CFAP70: variants seen among roughly 807,000 people sequenced by gnomAD.
CFAP70 encodes cilia and flagella associated protein 70, also known as cilia- and flagella-associated protein 70.
In CFAP70, 81 loss-of-function variants were observed where a neutral mutation model predicts 137.6. The observed-to-expected ratio is 0.59, with a 90% CI of 0.49 to 0.71. CFAP70 has a LOEUF of 0.71. Among genes scored for constraint, CFAP70 ranks in the 30% least tolerant of loss-of-function variants. The pLI, the probability that CFAP70 is intolerant of heterozygous loss-of-function variation, is 0.00. For missense variants in CFAP70, 976 were observed against 1,226.7 expected, an observed-to-expected ratio of 0.80 and a Z score of 3.05; for synonymous variants, 382 against 423.6, an observed-to-expected ratio of 0.90 and a Z score of 1.20.
At chr10:73,255,986 A>T (rs1260259929) in intron 26 of CFAP70, among the ~76,000 whole-genome samples, 1 of 152,110 alleles carries the variant, frequency 6.6e-6, no homozygotes, top group Non-Finnish European at 1.5e-5. Context: ...AAAATTTCCT[A>T]TTTTGCCCTT....
At chr10:73,295,373 AAGGGAGGAAGGGAGGAAGGG>A (rs528543001) in intron 15 of CFAP70, 163 of 135,034 alleles carry the variant, frequency 1.2e-3, no homozygotes, top group African/African-American at 4.3e-3. Context: ...GGAAGGGAGG[AAGGGAGGAAGGGAGGAAGGG>A]AGGGAGGGAG....
At chr10:73,281,334 C>T (rs2047241370) in intron 19 of CFAP70, among the ~76,000 whole-genome samples, 1 of 151,270 alleles carries the variant, frequency 6.6e-6, no homozygotes, top group Non-Finnish European at 1.5e-5. Flanking sequence ...ACAGACATGC[C>T]ACCACACCTG....
At chr10:73,310,279 C>A in intron 11 of CFAP70, 30 bp from the exon 13 acceptor site, 1 of 1,503,590 alleles carries the variant, frequency 6.7e-7, no homozygotes, top group South Asian at 1.2e-5. Flanking sequence ...TTATTATTTC[C>A]AGAAAAAAAT....
Position 73,275,558 on chromosome 10 carries a change from T to C in CFAP70, c.2561A>G (p.Gln854Arg). The C allele has an allele frequency of 1.2e-6, 2 of 1,611,134 alleles. No individual in the cohort carries two copies. The highest frequency in any genetic ancestry group is 1.7e-6 in the Non-Finnish European group (2 of 1,178,876). ...GTAATATTCACAGCTGGGGCCTCCTTGAGGGCATAACAGCTCATGTGCAAG... is the reference window on the plus strand; with the variant it reads ...GTAATATTCACAGCTGGGGCCTCCTCGAGGGCATAACAGCTCATGTGCAAG... Residue 854 changes from glutamine (Q) to arginine (R), a missense_variant, in exon 22 of 27, where the codon CAA (glutamine) becomes CGA (arginine). Transcript: ENST00000310715. The surrounding 1 kb of genome is among the most constrained non-coding windows in gnomAD (Gnocchi z 4.0).
intron 8 of CFAP70, among the ~76,000 whole-genome samples, chr10:73,323,504 A>AGCTGAAGCAGGGCGAGGCACT: frequency 6.6e-6 from 1 of 152,204 alleles, no homozygotes; most frequent in South Asian, 2.1e-4. Flanking sequence ...ACCGTGTGCG[A>AGCTGAAGCAGGGCGAGGCACT]GCTGAAGCAG....
intron 1 of CFAP70, among the ~76,000 whole-genome samples, chr10:73,358,434 G>A (rs369104511): frequency 2.6e-5 from 4 of 152,240 alleles, no homozygotes; most frequent in African/African-American, 9.6e-5. Context: ...GACTGAGTCT[G>A]GTCTGGGGAC....
intron 3 of CFAP70, among the ~76,000 whole-genome samples, chr10:73,349,239 T>C (rs1020871043): frequency 4.0e-5 from 6 of 151,646 alleles, no homozygotes; most frequent in African/African-American, 1.5e-4. Context: ...CAATCTGAAG[T>C]TTGAAAAACA....
chr10:73,308,295 G>A (rs185737686), intron 12 of CFAP70, among the ~76,000 whole-genome samples: 4 of 152,150 alleles, frequency 2.6e-5, no homozygotes, highest in Non-Finnish European at 4.4e-5. Context: ...AGGGTATACC[G>A]TATGTCAGGC....
chr10:73,361,417 C>CGT (rs543704002), upstream of CFAP70, among the ~76,000 whole-genome samples: 640 of 151,012 alleles, frequency 4.2e-3, 4 homozygotes, highest in South Asian at 0.016. Flanking sequence ...CTCAGCCTCC[C>CGT]GTGTGTGTGT....
intron 9 of CFAP70, among the ~76,000 whole-genome samples, chr10:73,317,332 G>C (rs991028928): frequency 6.6e-6 from 1 of 151,992 alleles, no homozygotes; most frequent in Admixed American, 6.6e-5. Context: ...CTTTGTTTTT[G>C]GTTGGTAGTT....
chr10:73,257,294 T>A (rs1055217050), intron 25 of CFAP70, among the ~76,000 whole-genome samples: 2 of 152,298 alleles, frequency 1.3e-5, no homozygotes, highest in African/African-American at 4.8e-5. Context: ...ACTCTGTCTC[T>A]AGGAATTAGA....
chr10:73,277,141 T>C, intron 21 of CFAP70, 99 bp downstream of exon 22: 1 of 1,403,460 alleles, frequency 7.1e-7, no homozygotes, highest in Non-Finnish European at 9.5e-7. Context: ...ATTTGATTTC[T>C]GTTTCACAAA....
intron 6 of CFAP70, 147 bp from the exon 8 acceptor site, chr10:73,335,671 C>T (rs1564861848): frequency 2.2e-6 from 1 of 460,398 alleles, no homozygotes. Flanking sequence ...GCAACTACTA[C>T]CACCACCTTA....
chr10:73,297,303 G>A, intron 14 of CFAP70, 130 bp from the exon 16 acceptor site: 1 of 876,988 alleles, frequency 1.1e-6, no homozygotes, highest in Non-Finnish European at 1.7e-6. Flanking sequence ...CCCTTGGTGG[G>A]TGGTAGACTA....
At chr10:73,361,628 T>C (rs910769032), upstream of CFAP70, among the ~76,000 whole-genome samples, 12 of 152,152 alleles carry the variant, frequency 7.9e-5, no homozygotes, top group African/African-American at 2.7e-4. Context: ...TATAAAAATA[T>C]CTTTCTAATA....
chr10:73,263,111 C>G (rs1564746547), intron 25 of CFAP70, among the ~76,000 whole-genome samples: 1 of 152,082 alleles, frequency 6.6e-6, no homozygotes, highest in African/African-American at 2.4e-5. Context: ...TTCACTCATT[C>G]ATTTATTTGA....
In CFAP70 at chr10:73,312,608, G is replaced by T. The variant is rs1199603137; in HGVS notation, c.948C>A (p.Gly316=). Residue 316 remains glycine, a synonymous_variant, in exon 10 of 27, where the codon GGC becomes GGA. Coordinates refer to ENST00000310715, the Ensembl canonical transcript of CFAP70. ...TTTTATTATTATGAATCAAGTGATG[G>T]CCAATATCCCGGAACAAGCTCAATA... The T allele has an allele frequency of 2.5e-6, 4 of 1,601,154 alleles. No homozygotes were observed. The African/African-American group carries it at 5.4e-5, about 22-fold the overall frequency.
At chr10:73,306,295 G>A (rs1245102724) in intron 12 of CFAP70, among the ~76,000 whole-genome samples, 1 of 152,032 alleles carries the variant, frequency 6.6e-6, no homozygotes, top group Non-Finnish European at 1.5e-5. Context: ...AGAAATAATG[G>A]CCCAAAACTT....
chr10:73,327,043 AT>A (rs2051517851), intron 8 of CFAP70, among the ~76,000 whole-genome samples: 1 of 150,974 alleles, frequency 6.6e-6, no homozygotes, highest in African/African-American at 2.5e-5. Flanking sequence ...AAAAAAGATA[AT>A]TTTAGACCAA....
Sources: allele counts gnomAD v4.1 joint callset (sites outside exome capture counted in the v4.1 genomes callset), GRCh38; gene constraint gnomAD v4.1.1; non-coding constraint Gnocchi (gnomAD v3.1); transcripts MANE v1.5; gene names NCBI Gene and HGNC (gene_info 2026-07-23, HGNC 2026-07-21).